The following FEZ2 variants were observed in gnomAD, a reference collection of about 807,000 sequenced individuals.
The protein encoded by FEZ2 is fasciculation and elongation protein zeta 2.
In FEZ2, 51 loss-of-function variants were observed where a neutral mutation model predicts 40.4. The observed-to-expected ratio is 1.26, with a 90% CI of 1.01 to 1.59. FEZ2 has a LOEUF of 1.59. Among genes scored for constraint, FEZ2 ranks in the 40% most tolerant of loss-of-function variants. FEZ2 has a pLI of 0.00. For missense variants in FEZ2, 640 were observed against 438.3 expected, an observed-to-expected ratio of 1.46 and a Z score of -4.11; for synonymous variants, 242 against 172.0, an observed-to-expected ratio of 1.41 and a Z score of -3.18.
rs115319920 is a variant in FEZ2, at chr2:36,586,267, T to C, written c.376-2798A>G. On this transcript the variant is annotated intron_variant, in intron 2 of 7. Transcript: ENST00000405912. Reference sequence around the variant, plus strand: ...ACCCCCTTCCCAATCACTCTTCCTATGTTGCAACTTGAGGACCATGATTTT... The same window carrying C: ...ACCCCCTTCCCAATCACTCTTCCTACGTTGCAACTTGAGGACCATGATTTT... 6.3e-3 allele frequency among the ~76,000 whole-genome samples: 956 copies of C among 152,322 alleles called. 5 individuals carry two copies. The highest frequency in any genetic ancestry group is 0.01 in the Non-Finnish European group (708 of 68,026).
At chr2:36,574,939 A>C (rs1240529561) in intron 5 of FEZ2, among the ~76,000 whole-genome samples, 1 of 152,172 alleles carries the variant, frequency 6.6e-6, no homozygotes, top group African/African-American at 2.4e-5. Flanking sequence ...CAAACGGAGA[A>C]TTGGAAAGGG....
intron 5 of FEZ2, among the ~76,000 whole-genome samples, chr2:36,566,605 C>T (rs889245146): frequency 6.6e-6 from 1 of 152,204 alleles, no homozygotes; most frequent in African/African-American, 2.4e-5. Context: ...CTACAGCGAT[C>T]ATTACCAATA....
intron 5 of FEZ2, among the ~76,000 whole-genome samples, chr2:36,567,914 A>G (rs1010224986): frequency 6.6e-6 from 1 of 152,142 alleles, no homozygotes; most frequent in African/African-American, 2.4e-5. Flanking sequence ...CATACTGTGC[A>G]TTCTGTTTTA....
At chr2:36,568,095 T>C (rs942062984) in intron 5 of FEZ2, among the ~76,000 whole-genome samples, 13 of 152,092 alleles carry the variant, frequency 8.5e-5, no homozygotes, top group African/African-American at 2.7e-4. Flanking sequence ...TAGGTGCTTA[T>C]GGTGCTTAAC....
At chr2:36,566,339 C>A (rs1228248878) in intron 5 of FEZ2, among the ~76,000 whole-genome samples, 261 of 132,068 alleles carry the variant, frequency 2.0e-3, no homozygotes, top group African/African-American at 2.1e-3. Flanking sequence ...GACTCCGTCT[C>A]AAAAAAAAAA....
Position 36,553,298 on chromosome 2 carries a change from A to G in FEZ2, c.1046-119T>C, listed in dbSNP as rs538576848. The G allele has an allele frequency of 6.5e-6, 5 of 774,366 alleles. No homozygotes were observed. In the East Asian group the frequency reaches 8.2e-5, roughly 13 times the overall value. The allele number at this position is 774,366 out of a possible 1,614,324, so 48.0% of individuals were successfully genotyped here. A position where few individuals can be genotyped will look rare whatever the true frequency, so the allele number is the denominator to read the frequency against. ...GTAATGAGAACTAAATGTTAATGCA[A>G]AGATCTATGTAGCAATTTTTTAAAG... On this transcript the variant is annotated intron_variant, in intron 7 of 7. Transcript: ENST00000405912.
At chr2:36,567,652 C>G (rs1668285106) in intron 5 of FEZ2, among the ~76,000 whole-genome samples, 1 of 151,900 alleles carries the variant, frequency 6.6e-6, no homozygotes, top group Non-Finnish European at 1.5e-5. Context: ...ATCCCAGCTA[C>G]TCGAGAGGCT....
In FEZ2 at chr2:36,560,702, T is replaced by C. The variant is rs982331853; in HGVS notation, c.904-2189A>G. 6 of 793,156 alleles carry C rather than the reference T, an allele frequency of 7.6e-6. No homozygotes were observed. In the African/African-American group the frequency reaches 8.8e-5, roughly 12 times the overall value. 49.1% of individuals were successfully genotyped at this position (793,156 alleles called of 1,614,324 possible). A position where few individuals can be genotyped will look rare whatever the true frequency, so the allele number is the denominator to read the frequency against. On this transcript the variant is annotated intron_variant, in intron 5 of 7. Transcript: ENST00000405912. ...TCGTTAAGCAATGGTCTTAGTAAAT[T>C]AGTAAACTACCAGCTTTCAGGATCT...
chr2:36,587,711 T>A (rs368406309), intron 2 of FEZ2, among the ~76,000 whole-genome samples: 111 of 152,238 alleles, frequency 7.3e-4, no homozygotes, highest in African/African-American at 2.6e-3. Flanking sequence ...TAAAGAATGC[T>A]TTCAAAGGGT....
chr2:36,576,501 C>T (rs563866315), intron 5 of FEZ2, among the ~76,000 whole-genome samples: 1 of 152,132 alleles, frequency 6.6e-6, no homozygotes, highest in Non-Finnish European at 1.5e-5. Flanking sequence ...GAACTCCTGA[C>T]GTCAGGTGAT....
chr2:36,566,640 G>A (rs1668248872), intron 5 of FEZ2, among the ~76,000 whole-genome samples: 1 of 152,198 alleles, frequency 6.6e-6, no homozygotes, highest in African/African-American at 2.4e-5. Flanking sequence ...CCAGATTTCT[G>A]TATGAAACCA....
intron 1 of FEZ2, among the ~76,000 whole-genome samples, chr2:36,596,134 GT>G (rs1296897919): frequency 1.3e-5 from 2 of 152,212 alleles, no homozygotes; most frequent in African/African-American, 2.4e-5. Context: ...CGGCATGCAT[GT>G]GTGTATAAAA....
At chr2:36,591,271 C>T in intron 1 of FEZ2, 3 of 475,360 alleles carry the variant, frequency 6.3e-6, no homozygotes, top group East Asian at 3.8e-5. Context: ...GGCAACACTT[C>T]CATTATATTA....
intron 2 of FEZ2, 63 bp from the exon 3 acceptor site, chr2:36,583,532 C>A: frequency 1.2e-6 from 1 of 862,796 alleles, no homozygotes; most frequent in East Asian, 2.4e-5. Flanking sequence ...GTTAACAGCT[C>A]TGAGTAAAAG....
At chr2:36,582,048 C>T (rs902617245) in intron 3 of FEZ2, among the ~76,000 whole-genome samples, 8 of 152,046 alleles carry the variant, frequency 5.3e-5, no homozygotes, top group Admixed American at 2.0e-4. Context: ...AGCAGAAAAA[C>T]TTCAGAAATA....
intron 1 of FEZ2, among the ~76,000 whole-genome samples, chr2:36,597,381 A>G (rs908995841): frequency 6.6e-5 from 10 of 152,290 alleles, no homozygotes; most frequent in Non-Finnish European, 1.3e-4. Flanking sequence ...TTGCAGCGCT[A>G]ATTACATCCA....
In FEZ2 at chr2:36,590,897, A is replaced by T; in HGVS notation, c.375+6T>A. ...TCAAACACTATTGGTTCAATTCCTA[A>T]CTTACCCCTTTTTCTGAGAGGTTCA... is the stretch of plus-strand genomic sequence containing the variant. On this transcript the variant is annotated splice_donor_region_variant and intron_variant, in intron 2 of 7. Transcript: ENST00000405912. 2.0e-6 allele frequency: 3 copies of T among 1,522,782 alleles called. No homozygotes were observed. Among genetic ancestry groups the T allele is most frequent in the Non-Finnish European group, 2.7e-6 (3 of 1,096,860 alleles). The allele number at this position is 1,522,782 out of a possible 1,614,324, so 94.3% of individuals were successfully genotyped here.
At chr2:36,571,241 A>G (rs933680790) in intron 5 of FEZ2, among the ~76,000 whole-genome samples, 3 of 152,250 alleles carry the variant, frequency 2.0e-5, no homozygotes, top group Admixed American at 1.3e-4. Flanking sequence ...TCTCCACCCT[A>G]CAATGACCTT....
intron 2 of FEZ2, among the ~76,000 whole-genome samples, chr2:36,588,335 G>C (rs1256788607): frequency 6.6e-6 from 1 of 152,118 alleles, no homozygotes; most frequent in African/African-American, 2.4e-5. Flanking sequence ...GCCAGGTAAG[G>C]CTTTTTAATG....
Sources: allele counts gnomAD v4.1 joint callset (sites outside exome capture counted in the v4.1 genomes callset), GRCh38; gene constraint gnomAD v4.1.1; transcripts MANE v1.5; gene names NCBI Gene and HGNC (gene_info 2026-07-23, HGNC 2026-07-21).